TERT: variants seen among roughly 807,000 people sequenced by gnomAD.
TERT encodes telomerase catalytic subunit.
In TERT, 42 loss-of-function variants were observed where a neutral mutation model predicts 104.0. That is an observed-to-expected ratio of 0.40 (90% CI 0.32 to 0.52). The LOEUF (loss-of-function observed/expected upper bound fraction) is 0.52. Ranked by LOEUF, TERT falls within the 20% of genes least tolerant of loss-of-function variation. The pLI is 0.43. For missense variants in TERT, 1,101 were observed against 1,610.3 expected (o/e 0.68, Z 5.41); for synonymous variants, 781 against 725.6 (o/e 1.08, Z -1.23).
At position 1,286,093 on chromosome 5, in the gene TERT, C is replaced by A. The variant is rs565534349; in HGVS notation, c.1574-3469G>T. On this transcript the variant is annotated intron_variant, in intron 2 of 15. Coordinates refer to ENST00000310581, the MANE Select transcript of TERT (RefSeq NM_198253.3). This position sits in a 1 kb window ranked among gnomAD's most constrained non-coding sequence, Gnocchi z 5.3. ...CATGCCTGGGGTTTTCCAGGCTGAACCCAGGCCGAGCGGACGTTGCTGTCA... is the reference window on the plus strand; with the variant it reads ...CATGCCTGGGGTTTTCCAGGCTGAAACCAGGCCGAGCGGACGTTGCTGTCA... Among the ~76,000 whole-genome samples, 11 of 152,264 alleles carry A rather than the reference C, an allele frequency of 7.2e-5. No individual in the cohort carries two copies. The highest frequency in any genetic ancestry group is 2.0e-4 in the Admixed American group (3 of 15,298).
intron 3 of TERT, among the ~76,000 whole-genome samples, chr5:1,281,049 G>A (rs1749988767): frequency 6.6e-6 from 1 of 152,116 alleles, no homozygotes; most frequent in Admixed American, 6.5e-5. Context: ...AGGGAGGAGG[G>A]GCCTCCAAGG....
At position 1,262,262 on chromosome 5, in the gene TERT, T is replaced by A. The variant is rs1402289462; in HGVS notation, c.2844-1662A>T. Among the ~76,000 whole-genome samples the A allele has an allele frequency of 5.3e-5, 8 of 152,034 alleles. No individual in the cohort carries two copies. ...CAGTCAGTTTTCTCAGAAAAAAAAA[T>A]TACACACACACTCTCTTTTCCATCA... On this transcript the variant is annotated intron_variant, in intron 11 of 15. Coordinates refer to ENST00000310581, the MANE Select transcript of TERT (RefSeq NM_198253.3). The surrounding 1 kb of genome is among the most constrained non-coding windows in gnomAD (Gnocchi z 5.6).
rs575659890 is a variant in TERT at position 1,270,613 on chromosome 5, G to C, written c.2468+506C>G. On this transcript the variant is annotated intron_variant, in intron 8 of 15. Coordinates refer to ENST00000310581, the MANE Select transcript of TERT (RefSeq NM_198253.3). This position sits in a 1 kb window ranked among gnomAD's most constrained non-coding sequence, Gnocchi z 8.3. ...GCCCCCCGAGAGGAGCAAACTACAC[G>C]GTCAACCCCGCACTTTCCAGATGGG... 7.8e-4 allele frequency among the ~76,000 whole-genome samples: 119 copies of C among 152,276 alleles called. No homozygotes were observed. Among genetic ancestry groups the C allele is most frequent in the African/African-American group, 2.7e-3 (114 of 41,572 alleles).
chr5:1,282,298 CG>C, intron 3 of TERT, 130 bp downstream of exon 3: 1 of 942,976 alleles, frequency 1.1e-6, no homozygotes, highest in Non-Finnish European at 1.7e-6. Context: ...AGGCCTGTGA[CG>C]GGGCCCCTGG....
chr5:1,289,664 C>G (rs1750743000), intron 2 of TERT, among the ~76,000 whole-genome samples: 5 of 101,092 alleles, frequency 4.9e-5, no homozygotes, highest in Non-Finnish European at 7.9e-5. Context: ...ACAGGGACAC[C>G]CGGGGGCCTC....
At chr5:1,281,907 G>T (rs918539369) in intron 3 of TERT, among the ~76,000 whole-genome samples, 1 of 152,142 alleles carries the variant, frequency 6.6e-6, no homozygotes, top group African/African-American at 2.4e-5. Flanking sequence ...GGCCAACATG[G>T]TGAAACCCCG....
At chr5:1,289,202 C>G (rs1750692505) in intron 2 of TERT, among the ~76,000 whole-genome samples, 2 of 146,698 alleles carry the variant, frequency 1.4e-5, no homozygotes, top group South Asian at 2.2e-4. Flanking sequence ...ACAGGGACAC[C>G]CGGGGACGGC....
intron 6 of TERT, among the ~76,000 whole-genome samples, chr5:1,275,538 C>T (rs1179213380): frequency 6.6e-6 from 1 of 152,004 alleles, no homozygotes; most frequent in African/African-American, 2.4e-5. Flanking sequence ...CACCACACGA[C>T]CCCAGAGTGG....
In TERT at chr5:1,282,538, C is replaced by T; in HGVS notation, c.1660G>A (p.Val554Ile). The change falls in exon 3 of 16, where the codon GTC becomes ATC. Residue 554 changes from valine (V) to isoleucine (I), a missense_variant. Transcript: ENST00000310581. Reference protein sequence around the residue: ...FLHWLMSVYVVELLRSFFYVT... With the variant: ...FLHWLMSVYVIELLRSFFYVT... Reference sequence around the variant, plus strand: ...TAAAAGAAAGACCTGAGCAGCTCGACGACGTACACACTCATCAGCCAGTGC... The same window carrying T: ...TAAAAGAAAGACCTGAGCAGCTCGATGACGTACACACTCATCAGCCAGTGC... 4 of 1,614,140 alleles carry T rather than the reference C, an allele frequency of 2.5e-6. No individual in the cohort carries two copies. The highest frequency in any genetic ancestry group is 1.6e-4 in the Middle Eastern group (1 of 6,062).
chr5:1,281,680 C>CCAGGTGCTCCCTGCA (rs570191471), intron 3 of TERT, among the ~76,000 whole-genome samples: 3 of 152,212 alleles, frequency 2.0e-5, no homozygotes, highest in Non-Finnish European at 2.9e-5. Flanking sequence ...TCTCCTATCC[C>CCAGGTGCTCCCTGCA]CAGGTGCTCC....
At chr5:1,284,323 C>T (rs1373880887) in intron 2 of TERT, among the ~76,000 whole-genome samples, 8 of 106,256 alleles carry the variant, frequency 7.5e-5, no homozygotes, top group East Asian at 3.4e-4. Context: ...CAGGGCCTGG[C>T]GACCTCACCC....
rs771590775 is a variant in TERT at position 1,294,350 on chromosome 5, C to G, written c.536G>C (p.Gly179Ala). The G allele has an allele frequency of 1.3e-6, 2 of 1,577,596 alleles. No individual in the cohort carries two copies. The highest frequency in any genetic ancestry group is 1.7e-6 in the Non-Finnish European group (2 of 1,169,368). The change falls in exon 2 of 16, where the codon GGC (glycine) becomes GCC (alanine). Residue 179 changes from glycine to alanine, a missense_variant. Physicochemically the swap from Gly to Ala is moderately conservative, Grantham distance 60 (BLOSUM62 0). Around this residue, in one of 5 missense-constraint regions of TERT, gnomAD observed 504 missense variants for 544.6 expected, o/e 0.93. Transcript: ENST00000310581. ...QVCGPPLYQL[G>A]AATQARPPPH... ...CGGGGGCCGGGCCTGAGTGGCAGCG[C>G]CGAGCTGGTACAGCGGCGGCCCGCA...
rs368436406 is a variant in TERT, at chr5:1,269,156, G to A, written c.2469-523C>T. Among the ~76,000 whole-genome samples, 110 of 152,132 alleles carry A rather than the reference G, an allele frequency of 7.2e-4. No homozygotes were observed. Among genetic ancestry groups the A allele is most frequent in the African/African-American group, 2.5e-3 (102 of 41,472 alleles). Reference sequence around the variant, plus strand: ...CAAACAGTGAGAGCAGAATAGCCCCGTGGAACCTAAAGGTGCACACAGAAG... The same window carrying A: ...CAAACAGTGAGAGCAGAATAGCCCCATGGAACCTAAAGGTGCACACAGAAG... On this transcript the variant is annotated intron_variant, in intron 8 of 15. Transcript: ENST00000310581. The surrounding 1 kb of genome is among the most constrained non-coding windows in gnomAD (Gnocchi z 9.0).
At chr5:1,278,928 G>A (rs1749807868) in intron 5 of TERT, 132 bp from the exon 6 acceptor site, 2 of 1,303,766 alleles carry the variant, frequency 1.5e-6, no homozygotes, top group Non-Finnish European at 2.2e-6. Context: ...CCCAAGGGCA[G>A]GGCGGGCTGT....
At chr5:1,289,158 A>G (rs1750683902) in intron 2 of TERT, among the ~76,000 whole-genome samples, 1 of 150,548 alleles carries the variant, frequency 6.6e-6, no homozygotes, top group Admixed American at 6.6e-5. Flanking sequence ...TGAGAGGGAC[A>G]CCCGGGGGCC....
Position 1,263,309 on chromosome 5 carries a change from G to A in TERT, c.2843+1095C>T, listed in dbSNP as rs1390871549. Among the ~76,000 whole-genome samples the A allele has an allele frequency of 6.6e-6, 1 of 152,036 alleles. No individual in the cohort carries two copies. Among genetic ancestry groups the A allele is most frequent in the Non-Finnish European group, 1.5e-5 (1 of 68,012 alleles). On this transcript the variant is annotated intron_variant, in intron 11 of 15. Coordinates refer to ENST00000310581, the MANE Select transcript of TERT (RefSeq NM_198253.3). This position sits in a 1 kb window ranked among gnomAD's most constrained non-coding sequence, Gnocchi z 5.3. The stretch of plus-strand genomic sequence containing the variant: ...ATGAAGGTGTGCCTTTCAGAGGAAG[G>A]CACCCCCAGTTCCGGCCTCTAGCAC...
At chr5:1,293,187 C>T (rs529019344) in intron 2 of TERT, 126 bp downstream of exon 2, 484 of 1,198,762 alleles carry the variant, frequency 4.0e-4, no homozygotes, top group Admixed American at 8.1e-4. Flanking sequence ...ACGTCCTGAG[C>T]GAAAAGCCAC....
At position 1,266,476 on chromosome 5, in the gene TERT, T is replaced by A. The variant is rs751767277; in HGVS notation, c.2642A>T (p.Lys881Ile). ...GCACGGGCCTCACCTGAGGAAGGTTTTCGCGTGGGTGAGGTGAGGTGTCAC... is the reference window on the plus strand; with the variant it reads ...GCACGGGCCTCACCTGAGGAAGGTTATCGCGTGGGTGAGGTGAGGTGTCAC... The part of the protein sequence containing the change: ...LLVTPHLTHA[K>I]TFLRTLVRGV... Residue 881 changes from lysine (K) to isoleucine (I), a missense_variant, in exon 10 of 16, where the codon AAA (lysine) becomes ATA (isoleucine). Lys to Ile is a moderately radical substitution (Grantham distance 102). Around this residue, in one of 5 missense-constraint regions of TERT, gnomAD observed 463 missense variants for 797.5 expected, o/e 0.58. Coordinates refer to ENST00000310581, the MANE Select transcript of TERT (RefSeq NM_198253.3). 2 of 1,609,298 alleles carry A rather than the reference T, an allele frequency of 1.2e-6. No homozygotes were observed. Among genetic ancestry groups the A allele is most frequent in the Non-Finnish European group, 1.7e-6 (2 of 1,177,824 alleles).
intron 13 of TERT, 23 bp downstream of exon 13, chr5:1,258,575 T>C (rs1747925128): frequency 5.1e-6 from 8 of 1,558,532 alleles, no homozygotes; most frequent in Non-Finnish European, 7.0e-6. Flanking sequence ...AGGCTGGGCC[T>C]GCACCCCTTG....
Sources: gnomAD v4.1 joint callset for allele counts (sites outside exome capture counted in the v4.1 genomes callset) on GRCh38, gnomAD v4.1.1 for gene constraint, gnomAD v4.1.1 regional missense constraint, Gnocchi (gnomAD v3.1) non-coding constraint, MANE v1.5 for transcripts, NCBI Gene and HGNC (gene_info 2026-07-23, HGNC 2026-07-21) for gene names.